Variants in ANK2 observed in about 807,000 individuals in gnomAD.
ANK2 encodes ankyrin-2.
In ANK2, 83 loss-of-function variants were observed where a neutral mutation model predicts 360.5. The ratio of observed to expected loss-of-function variants is 0.23; its 90% confidence interval spans 0.19 to 0.28. The LOEUF (loss-of-function observed/expected upper bound fraction) is 0.28. Ranked by LOEUF, ANK2 falls within the 10% of genes least tolerant of loss-of-function variation. The pLI is 1.00. For synonymous variants in ANK2, 1,740 were observed against 1,759.5 expected (o/e 0.99, Z 0.28); for missense variants, 4,201 against 4,795.7 (o/e 0.88, Z 3.66).
the ANK2 span, among the ~76,000 whole-genome samples, chr4:112,756,949 G>C: frequency 6.6e-6 from 1 of 151,916 alleles, no homozygotes; most frequent in South Asian, 2.1e-4. Context: ...ATCCAGCCTG[G>C]ATGACAGAAC....
rs770636500 is a variant in ANK2 at position 113,317,783 on chromosome 4, G to T, written c.2770G>T (p.Asp924Tyr). ...CCTGAGGGACAGTGCCGTGATGGATGACTCAGTTGTGATTCCCAGTCACCA... is the reference window on the plus strand; with the variant it reads ...CCTGAGGGACAGTGCCGTGATGGATTACTCAGTTGTGATTCCCAGTCACCA... Reference protein sequence around the residue: ...SYLRDSAVMDDSVVIPSHQVS... With the variant: ...SYLRDSAVMDYSVVIPSHQVS... Residue 924 changes from aspartate to tyrosine, a missense_variant, in exon 25 of 46, where the codon GAC (aspartate) becomes TAC (tyrosine). Coordinates refer to ENST00000357077, the MANE Select transcript of ANK2 (RefSeq NM_001148.6). 19 of 1,613,924 alleles carry T rather than the reference G, an allele frequency of 1.2e-5. No individual in the cohort carries two copies. In the Admixed American group the frequency reaches 2.8e-4, roughly 24 times the overall value.
chr4:113,089,928 A>G (rs765812608), intron 1 of ANK2, among the ~76,000 whole-genome samples: 8 of 152,182 alleles, frequency 5.3e-5, no homozygotes, highest in Non-Finnish European at 1.2e-4. Context: ...CAGAAGCACT[A>G]ATGGTTTTCT....
the ANK2 span, among the ~76,000 whole-genome samples, chr4:112,705,762 T>C: frequency 3.4e-3 from 512 of 152,312 alleles, 9 homozygotes; most frequent in East Asian, 4.3e-3. Context: ...CGGCAGCGGC[T>C]AGGGAAGCAG....
At chr4:113,224,427 A>G (rs1209344240) in intron 4 of ANK2, among the ~76,000 whole-genome samples, 1 of 152,156 alleles carries the variant, frequency 6.6e-6, no homozygotes, top group Non-Finnish European at 1.5e-5. Context: ...AGAGTTTCCA[A>G]CATCTCTGCA....
At chr4:113,226,728 G>C (rs1234842979) in intron 4 of ANK2, among the ~76,000 whole-genome samples, 2 of 151,976 alleles carry the variant, frequency 1.3e-5, no homozygotes, top group African/African-American at 4.8e-5. Context: ...TTTTTGTTGA[G>C]TAAATATAAT....
intron 1 of ANK2, among the ~76,000 whole-genome samples, chr4:113,171,942 G>A (rs1261000575): frequency 2.0e-5 from 3 of 152,060 alleles, no homozygotes; most frequent in Admixed American, 6.5e-5. Context: ...CATTCCTTTG[G>A]TGTCAGGCTC....
At chr4:112,792,554 A>T in the ANK2 span, among the ~76,000 whole-genome samples, 9 of 152,232 alleles carry the variant, frequency 5.9e-5, 1 homozygote, top group African/African-American at 9.6e-5. Context: ...ATAACTATAA[A>T]ATGGTTACTA....
chr4:112,950,137 C>A (rs1202342947), intron 2 of ANK2, among the ~76,000 whole-genome samples: 1 of 152,108 alleles, frequency 6.6e-6, no homozygotes, highest in Non-Finnish European at 1.5e-5. Flanking sequence ...TCTGTAACTC[C>A]ATGCTTCACT....
chr4:113,254,239 T>C lies in ANK2; in HGVS notation c.991-1496T>C, dbSNP rs114438122. On this transcript the variant is annotated intron_variant, in intron 10 of 45. Transcript: ENST00000357077. Reference sequence around the variant, plus strand: ...AATATACTATATACTTTAATTCTTATTGTTTTTAAATTGTATGTCTGTCTT... The same window carrying C: ...AATATACTATATACTTTAATTCTTACTGTTTTTAAATTGTATGTCTGTCTT... 9.9e-3 allele frequency among the ~76,000 whole-genome samples: 1,507 copies of C among 152,316 alleles called. 31 individuals carry two copies. The highest frequency in any genetic ancestry group is 0.034 in the African/African-American group (1,426 of 41,554).
Position 112,877,722 on chromosome 4 carries a change from C to G in ANK2, c.-39-26733C>G, listed in dbSNP as rs577716392. Among the ~76,000 whole-genome samples the G allele has an allele frequency of 5.9e-5, 9 of 151,888 alleles. No individual in the cohort carries two copies. The South Asian group carries it at 1.9e-3, about 32-fold the overall frequency. Reference sequence around the variant, plus strand: ...ACTGCATAGGTTGCCCATCACAAAGCTGACTCAGAATCTACACTTCTCTTT... The same window carrying G: ...ACTGCATAGGTTGCCCATCACAAAGGTGACTCAGAATCTACACTTCTCTTT... On this transcript the variant is annotated intron_variant, in intron 1 of 30. Coordinates refer to the ANK2 transcript ENST00000503271.
At chr4:113,363,152 GA>G (rs1004268760) in intron 39 of ANK2, among the ~76,000 whole-genome samples, 185 bp from the exon 40 acceptor site, 81 of 152,018 alleles carry the variant, frequency 5.3e-4, no homozygotes, top group African/African-American at 1.8e-3. Context: ...AGTTTTAGGG[GA>G]AAAAATCCAT....
At position 113,278,533 on chromosome 4, in the gene ANK2, G is replaced by T. The variant is rs747142576; in HGVS notation, c.1856G>T (p.Gly619Val). 1.2e-6 allele frequency: 2 copies of T among 1,613,882 alleles called. No individual in the cohort carries two copies. The highest frequency in any genetic ancestry group is 1.7e-4 in the Middle Eastern group (1 of 6,060). Residue 619 changes from glycine (G) to valine (V), a missense_variant, in exon 17 of 46, where the codon GGT becomes GTT. This residue lies in a region of ANK2 where 1,268 missense variants were observed against 1,650.8 expected (regional missense o/e 0.77). Transcript: ENST00000357077. ...GTGGCGCTGCTGTTACTGGAGAAGG[G>T]TGCTTCCCCTCATGCCACTGCCAAG... ...QKVALLLLEK[G>V]ASPHATAKNG...
chr4:113,281,102 A>C (rs2062143989), intron 17 of ANK2, among the ~76,000 whole-genome samples: 1 of 152,210 alleles, frequency 6.6e-6, no homozygotes, highest in Admixed American at 6.5e-5. Context: ...TCTTGCTTGG[A>C]GAAATGGGGA....
At chr4:113,076,803 G>GA (rs11398989) in intron 1 of ANK2, among the ~76,000 whole-genome samples, 93,098 of 143,132 alleles carry the variant, frequency 0.65, 29,796 homozygotes, top group Non-Finnish European at 0.72. Context: ...CTCAAAAAAA[G>GA]AAAAAAAAAA....
At chr4:113,201,560 T>C (rs1327598443) in intron 4 of ANK2, among the ~76,000 whole-genome samples, 2 of 152,220 alleles carry the variant, frequency 1.3e-5, no homozygotes, top group Non-Finnish European at 2.9e-5. Flanking sequence ...AATTCAATTG[T>C]TCAGTGGAGG....
chr4:113,007,231 A>G (rs2053208754), intron 2 of ANK2, among the ~76,000 whole-genome samples: 1 of 152,214 alleles, frequency 6.6e-6, no homozygotes, highest in Non-Finnish European at 1.5e-5. Flanking sequence ...AGCGGTTAGT[A>G]TAAATATTTT....
At chr4:112,878,656 C>T (rs568304514) in intron 1 of ANK2, among the ~76,000 whole-genome samples, 2 of 151,604 alleles carry the variant, frequency 1.3e-5, no homozygotes, top group East Asian at 2.0e-4. Context: ...GTTTTTTAGA[C>T]GGAGTCTCGC....
chr4:112,757,411 G>T, the ANK2 span, among the ~76,000 whole-genome samples: 1 of 152,020 alleles, frequency 6.6e-6, no homozygotes, highest in African/African-American at 2.4e-5. Context: ...ACTGTGTCCG[G>T]CTGACAGCAG....
intron 3 of ANK2, among the ~76,000 whole-genome samples, chr4:113,197,719 A>C (rs767660984): frequency 1.6e-4 from 24 of 152,252 alleles, no homozygotes; most frequent in Admixed American, 2.6e-4. Flanking sequence ...GAAATTAAAA[A>C]ACAAAACAAA....
Sources: gnomAD v4.1 joint callset for allele counts (sites outside exome capture counted in the v4.1 genomes callset) on GRCh38, gnomAD v4.1.1 for gene constraint, gnomAD v4.1.1 regional missense constraint, MANE v1.5 for transcripts, NCBI Gene and HGNC (gene_info 2026-07-23, HGNC 2026-07-21) for gene names.